LHFPL2: variants seen among roughly 807,000 people sequenced by gnomAD.
LHFPL2 encodes LHFPL tetraspan subfamily member 2 protein.
Under a neutral mutation model 17.5 loss-of-function variants are expected in LHFPL2, and 7 were observed. That is an observed-to-expected ratio of 0.40 (90% confidence interval 0.23 to 0.75). The LOEUF is 0.75. Among genes scored for constraint, LHFPL2 ranks in the 30% least tolerant of loss-of-function variants. LHFPL2 has a pLI of 0.37. For missense variants in LHFPL2, 241 were observed against 294.8 expected, an observed-to-expected ratio of 0.82 and a Z score of 1.34; for synonymous variants, 134 against 116.2, an observed-to-expected ratio of 1.15 and a Z score of -0.99.
intron 2 of LHFPL2, among the ~76,000 whole-genome samples, chr5:78,608,660 C>T (rs1016265935): frequency 2.0e-5 from 3 of 151,532 alleles, no homozygotes; most frequent in East Asian, 1.9e-4. Context: ...AGGCTGGGCA[C>T]GGTGGCTCAC....
intron 2 of LHFPL2, among the ~76,000 whole-genome samples, chr5:78,584,995 G>GCCCGTTGGAAAAGCGCAGTTTT (rs1380832622): frequency 2.5e-5 from 1 of 40,504 alleles, no homozygotes; most frequent in African/African-American, 8.1e-5. Flanking sequence ...GGTGCGCTGT[G>GCCCGTTGGAAAAGCGCAGTTTT]TTTTTTTTTT....
chr5:78,503,273 T>G (rs1250136319), intron 4 of LHFPL2, among the ~76,000 whole-genome samples: 1 of 152,270 alleles, frequency 6.6e-6, no homozygotes, highest in African/African-American at 2.4e-5. Flanking sequence ...TCTGTGATAA[T>G]TTATGTCGAC....
chr5:78,505,457 G>C lies in LHFPL2; in HGVS notation c.430+4327C>G, dbSNP rs148000313. ...AAGAGAAGGAATGGAAAATGTGTGT[G>C]TCAGGGGAAGGGGAGGGGGAGGAAG... On this transcript the variant is annotated intron_variant, in intron 4 of 4. Transcript: ENST00000380345. Among the ~76,000 whole-genome samples the C allele has an allele frequency of 1.9e-3, 294 of 152,326 alleles. 2 individuals are homozygous for C. In the Middle Eastern group the frequency reaches 0.051, roughly 26 times the overall value.
chr5:78,565,101 G>A (rs564627333), intron 2 of LHFPL2, among the ~76,000 whole-genome samples: 1 of 152,166 alleles, frequency 6.6e-6, no homozygotes, highest in Non-Finnish European at 1.5e-5. Flanking sequence ...GGCCAGGGGG[G>A]AATGTCCAGC....
intron 4 of LHFPL2, chr5:78,494,313 A>G (rs1028914969): frequency 2.1e-6 from 2 of 965,350 alleles, no homozygotes; most frequent in African/African-American, 3.5e-5. Context: ...ACCAAAGACA[A>G]CGCAGCCACC....
At position 78,502,493 on chromosome 5, in the gene LHFPL2, C is replaced by T. The variant is rs1035557761; in HGVS notation, c.430+7291G>A. Among the ~76,000 whole-genome samples the T allele has an allele frequency of 3.9e-5, 6 of 152,186 alleles. No individual in the cohort carries two copies. In the South Asian group the frequency reaches 6.2e-4, roughly 16 times the overall value. ...TAGTGATGAAGCCTTACTTCACATT[C>T]GGGGTGAGAAGCTGTTTGTTAACTG... is the stretch of plus-strand genomic sequence containing the variant. On this transcript the variant is annotated intron_variant, in intron 4 of 4. Coordinates refer to ENST00000380345, the MANE Select transcript of LHFPL2 (RefSeq NM_005779.3).
At chr5:78,544,261 C>T (rs925092057) in intron 3 of LHFPL2, among the ~76,000 whole-genome samples, 1 of 152,230 alleles carries the variant, frequency 6.6e-6, no homozygotes, top group African/African-American at 2.4e-5. Context: ...GTCTCTCCCA[C>T]AGGCAACACT....
intron 2 of LHFPL2, among the ~76,000 whole-genome samples, chr5:78,579,342 T>C (rs1400236746): frequency 6.6e-6 from 1 of 152,036 alleles, no homozygotes; most frequent in African/African-American, 2.4e-5. Context: ...TTGTTTTTCA[T>C]TTATTTATTA....
intron 1 of LHFPL2, among the ~76,000 whole-genome samples, chr5:78,638,661 G>A (rs1745552541): frequency 6.6e-6 from 1 of 152,158 alleles, no homozygotes; most frequent in Non-Finnish European, 1.5e-5. Context: ...CGCACCCTTG[G>A]TTACTAAGAG....
intron 4 of LHFPL2, among the ~76,000 whole-genome samples, chr5:78,496,270 G>A (rs1188995100): frequency 6.6e-6 from 1 of 152,092 alleles, no homozygotes; most frequent in East Asian, 1.9e-4. Flanking sequence ...TTGGTTATAG[G>A]TTAATTAGAA....
chr5:78,579,379 A>T (rs1742994331), intron 2 of LHFPL2, among the ~76,000 whole-genome samples: 1 of 151,910 alleles, frequency 6.6e-6, no homozygotes, highest in South Asian at 2.1e-4. Flanking sequence ...TTTAGGGTAC[A>T]TGTGCACAAT....
chr5:78,520,802 G>C (rs996556813), intron 3 of LHFPL2, among the ~76,000 whole-genome samples: 1 of 151,956 alleles, frequency 6.6e-6, no homozygotes, highest in African/African-American at 2.4e-5. Context: ...ACGGTCTTTC[G>C]GCTAACTGCT....
At chr5:78,640,739 G>A (rs914119343) in intron 1 of LHFPL2, among the ~76,000 whole-genome samples, 10 of 152,192 alleles carry the variant, frequency 6.6e-5, no homozygotes, top group African/African-American at 2.2e-4. Flanking sequence ...ACCCTGTTAA[G>A]CAGGCAAGGA....
intron 4 of LHFPL2, among the ~76,000 whole-genome samples, chr5:78,496,922 C>CATGGCTTT (rs1754625889): frequency 6.6e-6 from 1 of 152,188 alleles, no homozygotes; most frequent in African/African-American, 2.4e-5. Context: ...CAGCTGGCCC[C>CATGGCTTT]ATGGCTTTAA....
chr5:78,524,747 A>C (rs1755568554), intron 3 of LHFPL2, among the ~76,000 whole-genome samples: 1 of 151,848 alleles, frequency 6.6e-6, no homozygotes, highest in Non-Finnish European at 1.5e-5. Context: ...GTTCTCAAAA[A>C]AAAAAAAAAA....
At chr5:78,506,351 C>A (rs1754930104) in intron 4 of LHFPL2, among the ~76,000 whole-genome samples, 1 of 152,186 alleles carries the variant, frequency 6.6e-6, no homozygotes. Context: ...GTTGTAAGAA[C>A]AAACACAGCC....
At chr5:78,636,501 T>C (rs555316300) in intron 1 of LHFPL2, among the ~76,000 whole-genome samples, 44 of 152,178 alleles carry the variant, frequency 2.9e-4, no homozygotes, top group Middle Eastern at 6.8e-3. Flanking sequence ...TCTTTAGGAA[T>C]AGAGGTTAAT....
At chr5:78,521,789 T>C (rs1755465529) in intron 3 of LHFPL2, among the ~76,000 whole-genome samples, 1 of 152,228 alleles carries the variant, frequency 6.6e-6, no homozygotes, top group South Asian at 2.1e-4. Context: ...TTCCTGACTT[T>C]TGCTCCAATC....
At chr5:78,548,209 G>A (rs540937810) in intron 3 of LHFPL2, among the ~76,000 whole-genome samples, 1 of 152,172 alleles carries the variant, frequency 6.6e-6, no homozygotes, top group African/African-American at 2.4e-5. Flanking sequence ...TGGATGTGGC[G>A]ATGCAGAGGC....
Sources: gnomAD v4.1 joint callset for allele counts (sites outside exome capture counted in the v4.1 genomes callset) on GRCh38, gnomAD v4.1.1 for gene constraint, MANE v1.5 for transcripts, NCBI Gene and HGNC (gene_info 2026-07-23, HGNC 2026-07-21) for gene names.